The following MYO7A variants were observed in gnomAD, a reference collection of about 807,000 sequenced individuals.
The protein encoded by MYO7A is myosin VIIA.
In MYO7A, 210 loss-of-function variants were observed where a neutral mutation model predicts 263.8. That is an observed-to-expected ratio of 0.80 (90% confidence interval 0.71 to 0.89). The LOEUF (loss-of-function observed/expected upper bound fraction) is 0.89, where lower values mean the gene tolerates loss of function less well. MYO7A is among the 40% of genes least tolerant of loss of function. MYO7A has a pLI of 0.00. For synonymous variants in MYO7A, 1,239 were observed against 1,197.3 expected (o/e 1.03, Z -0.72); for missense variants, 2,820 against 2,968.3 (o/e 0.95, Z 1.16).
rs534641596 is a variant in MYO7A at position 77,186,264 on chromosome 11, A to G, written c.3503+1549A>G. 7.9e-5 allele frequency among the ~76,000 whole-genome samples: 12 copies of G among 152,344 alleles called. 1 individual carries two copies. The South Asian group carries it at 2.3e-3, about 29-fold the overall frequency. The stretch of plus-strand genomic sequence containing the variant: ...GAGCCCCAGAATTTTTGGAATGGTC[A>G]CTGAGCATTGGCTTCAATTGAAAGT... On this transcript the variant is annotated intron_variant, in intron 27 of 48. Transcript: ENST00000409709.
rs80208274 is a variant in MYO7A, at chr11:77,179,497, A to G, written c.2368-238A>G. 7.2e-5 allele frequency among the ~76,000 whole-genome samples: 11 copies of G among 152,162 alleles called. No individual in the cohort carries two copies. In the East Asian group the frequency reaches 2.1e-3, roughly 29 times the overall value. On this transcript the variant is annotated intron_variant, in intron 20 of 48. Transcript: ENST00000409709. ...GCAGACTGGTTGGTTGCAGCTCCTG[A>G]TCTAGGATTCTCTTGGGGGCCCCAA... is the stretch of plus-strand genomic sequence containing the variant.
intron 36 of MYO7A, 135 bp from the exon 37 acceptor site, chr11:77,202,165 C>G: frequency 8.5e-7 from 1 of 1,177,990 alleles, no homozygotes; most frequent in South Asian, 1.9e-5. Flanking sequence ...ACGGGGCTCC[C>G]AGGGTCAGAA....
At chr11:77,211,783 C>T in intron 45 of MYO7A, 38 bp from the exon 46 acceptor site, 3 of 1,558,582 alleles carry the variant, frequency 1.9e-6, no homozygotes, top group Non-Finnish European at 2.7e-6. Flanking sequence ...GGCCTGTCCC[C>T]AGGACTGAGC....
At chr11:77,212,207 TG>T (rs1242423575) in intron 46 of MYO7A, 9 of 580,196 alleles carry the variant, frequency 1.6e-5, no homozygotes, top group Non-Finnish European at 2.9e-5. Flanking sequence ...GTTCTGACAC[TG>T]GGGAGCCCTC....
intron 15 of MYO7A, among the ~76,000 whole-genome samples, chr11:77,169,941 T>A (rs78492310): frequency 0.096 from 14,577 of 152,094 alleles, 920 homozygotes; most frequent in East Asian, 0.28. Context: ...CTAGGCACAG[T>A]GGTACACACC....
chr11:77,132,818 G>A (rs1477176366), intron 2 of MYO7A, among the ~76,000 whole-genome samples: 1 of 152,220 alleles, frequency 6.6e-6, no homozygotes, highest in Non-Finnish European at 1.5e-5. Flanking sequence ...TTTTGCATAT[G>A]ATGAAACAGG....
rs539924412 is a variant in MYO7A at position 77,198,596 on chromosome 11, G to A, written c.4543G>A (p.Glu1515Lys). 6.2e-7 allele frequency: 1 copy of A among 1,613,938 alleles called. No individual in the cohort carries two copies. The highest frequency in any genetic ancestry group is 1.1e-5 in the South Asian group (1 of 91,076). The change falls in exon 34 of 49, where the codon GAG (glutamate) becomes AAG (lysine). Residue 1515 changes from glutamate to lysine, a missense_variant. Coordinates refer to ENST00000409709, the MANE Select transcript of MYO7A (RefSeq NM_000260.4). Reference protein sequence around the residue: ...EQVLLELSFPEIMAVSSSREC... With the variant: ...EQVLLELSFPKIMAVSSSREC... ...GGTACTTCTGGAGCTGTCCTTCCCA[G>A]AGATCATGGCCGTGTCCAGCAGCAG...
intron 47 of MYO7A, among the ~76,000 whole-genome samples, chr11:77,213,615 C>T (rs1184941276): frequency 2.0e-5 from 3 of 152,142 alleles, no homozygotes; most frequent in Non-Finnish European, 4.4e-5. Flanking sequence ...TGTCAGTTCC[C>T]TCAGGTCTCC....
At chr11:77,203,484 C>A (rs1340072928) in intron 38 of MYO7A, among the ~76,000 whole-genome samples, 8 of 152,222 alleles carry the variant, frequency 5.3e-5, no homozygotes. Context: ...AGCCCCTGGC[C>A]TCATGGGACC....
At chr11:77,199,020 A>G (rs1956879052) in intron 34 of MYO7A, among the ~76,000 whole-genome samples, 1 of 152,216 alleles carries the variant, frequency 6.6e-6, no homozygotes, top group African/African-American at 2.4e-5. Context: ...TATAAACTGC[A>G]AAGTGCAGTG....
At chr11:77,161,195 C>T in intron 12 of MYO7A, 80 bp downstream of exon 12, 1 of 1,560,424 alleles carries the variant, frequency 6.4e-7, no homozygotes, top group Non-Finnish European at 8.8e-7. Context: ...CCTTGCGAAG[C>T]ACATTTAGTT....
chr11:77,174,726 C>T lies in MYO7A; in HGVS notation c.1936-30C>T, dbSNP rs782807456. ...GGCTGCCTCCCAGCAGGAGCCTTGG[C>T]CCTGATGCCCTTGGCTGTGTGCCTG... On this transcript the variant is annotated intron_variant, in intron 16 of 48. Transcript: ENST00000409709. 3.2e-6 allele frequency: 5 copies of T among 1,552,990 alleles called. No individual in the cohort carries two copies. In the African/African-American group the frequency reaches 4.1e-5, roughly 13 times the overall value.
rs727504024 is a variant in MYO7A, at chr11:77,205,570, C to A, written c.5589C>A (p.His1863Gln). Residue 1863 changes from histidine to glutamine, a missense_variant, in exon 40 of 49, where the codon CAC (histidine) becomes CAA (glutamine). His to Gln is a conservative substitution (Grantham distance 24). Coordinates refer to ENST00000409709, the MANE Select transcript of MYO7A (RefSeq NM_000260.4). ...AGCGCTTCCTGCAGTCCCGAAAGCA[C>A]TGCCCACTCGCCATCGACTGCCTGC... ...HVQRFLQSRK[H>Q]CPLAIDCLQR... 1 of 1,613,352 alleles carries A rather than the reference C, an allele frequency of 6.2e-7. No individual in the cohort carries two copies. Among genetic ancestry groups the A allele is most frequent in the East Asian group, 2.2e-5 (1 of 44,878 alleles).
intron 31 of MYO7A, 51 bp downstream of exon 31, chr11:77,192,329 C>T: frequency 6.4e-7 from 1 of 1,568,516 alleles, no homozygotes; most frequent in Non-Finnish European, 8.8e-7. Flanking sequence ...CAGCCTCCTG[C>T]TTTCCACGTT....
chr11:77,159,314 A>G, intron 9 of MYO7A, 133 bp from the exon 10 acceptor site: 2 of 729,360 alleles, frequency 2.7e-6, no homozygotes, highest in Non-Finnish European at 4.7e-6. Flanking sequence ...GCATTTAGTC[A>G]CAATGCTGAT....
intron 4 of MYO7A, among the ~76,000 whole-genome samples, chr11:77,155,533 A>G (rs1952372360): frequency 6.6e-6 from 1 of 152,230 alleles, no homozygotes; most frequent in Non-Finnish European, 1.5e-5. Context: ...CAGGGCCTGG[A>G]GGCGATGGTG....
chr11:77,153,691 A>T (rs1952183699), intron 4 of MYO7A, among the ~76,000 whole-genome samples: 1 of 152,178 alleles, frequency 6.6e-6, no homozygotes, highest in Non-Finnish European at 1.5e-5. Flanking sequence ...ACCACCATTC[A>T]TCCTCCACAG....
At chr11:77,130,968 G>A (rs1434962577) in intron 2 of MYO7A, among the ~76,000 whole-genome samples, 1 of 152,254 alleles carries the variant, frequency 6.6e-6, no homozygotes, top group Non-Finnish European at 1.5e-5. Flanking sequence ...AGGAGAGGAG[G>A]TTGGCAAGGC....
In MYO7A at chr11:77,193,037, G is replaced by GTGATGGTGGAGGTGGTGATGGTGT. The variant is rs1409023904; in HGVS notation, c.4152+762_4152+785dup. On this transcript the variant is annotated intron_variant, in intron 31 of 48. Transcript: ENST00000409709. ...GGTGGAGGTAGCGATGGTGTTGTTG[G>GTGATGGTGGAGGTGGTGATGGTGT]TGATGGTGGAGGTGGTGATGGTGTT... Among the ~76,000 whole-genome samples, 48 of 146,112 alleles carry GTGATGGTGGAGGTGGTGATGGTGT rather than the reference G, an allele frequency of 3.3e-4. No individual in the cohort carries two copies. In the South Asian group the frequency reaches 3.4e-3, roughly 10 times the overall value.
Sources: gnomAD v4.1 joint callset for allele counts (sites outside exome capture counted in the v4.1 genomes callset) on GRCh38, gnomAD v4.1.1 for gene constraint, MANE v1.5 for transcripts, NCBI Gene and HGNC (gene_info 2026-07-23, HGNC 2026-07-21) for gene names.